NHSL1: variants seen among roughly 807,000 people sequenced by gnomAD.
NHSL1 encodes the protein NHS-like protein 1.
Under a neutral mutation model 95.0 loss-of-function variants are expected in NHSL1, and 48 were observed. The observed-to-expected ratio is 0.51, with a 90% confidence interval of 0.40 to 0.64. The LOEUF (loss-of-function observed/expected upper bound fraction) is 0.64. Ranked by LOEUF, NHSL1 falls within the 30% of genes least tolerant of loss-of-function variation. NHSL1 has a pLI of 0.00. For missense variants in NHSL1, 1,971 were observed against 2,077.7 expected, an observed-to-expected ratio of 0.95 and a Z score of 1.00; for synonymous variants, 783 against 833.9, an observed-to-expected ratio of 0.94 and a Z score of 1.05.
At chr6:138,577,550 G>GAACC (rs1783990354) in intron 1 of NHSL1, among the ~76,000 whole-genome samples, 1 of 152,198 alleles carries the variant, frequency 6.6e-6, no homozygotes, top group Non-Finnish European at 1.5e-5. Flanking sequence ...GGTGCAAAGA[G>GAACC]AACCACATAG....
chr6:138,588,225 A>AGTGCTGAG (rs1784170332), intron 1 of NHSL1, among the ~76,000 whole-genome samples: 1 of 152,216 alleles, frequency 6.6e-6, no homozygotes, highest in African/African-American at 2.4e-5. Context: ...CACTTTGGGA[A>AGTGCTGAG]GCCCAGGCGG....
chr6:138,673,031 G>GC (rs1562409221), intron 1 of NHSL1, among the ~76,000 whole-genome samples: 2 of 148,058 alleles, frequency 1.4e-5, no homozygotes, highest in African/African-American at 5.2e-5. Context: ...AGATAGATAG[G>GC]TAGATAGATA....
intron 1 of NHSL1, among the ~76,000 whole-genome samples, chr6:138,688,798 G>A (rs1178268517): frequency 1.3e-5 from 2 of 152,178 alleles, no homozygotes; most frequent in Non-Finnish European, 2.9e-5. Flanking sequence ...AGAACTTACT[G>A]TGTCAGCAAA....
Position 138,424,793 on chromosome 6 carries a change from C to A in NHSL1, c.4109G>T (p.Arg1370Leu). ...GGAGTGGTCATCATCTGAATCTCTA[C>A]GGCCGAGGACTTTCCTTTTGGATCT... ...IHRSKRKVLGRRDSDDDHSRN... is the reference protein window; with the variant it reads ...IHRSKRKVLGLRDSDDDHSRN... The change falls in exon 8 of 8, where the codon CGT becomes CTT. Residue 1370 changes from arginine (R) to leucine (L), a missense_variant. By Grantham distance (102) the Arg-to-Leu change is moderately radical (BLOSUM62 -2). Coordinates refer to ENST00000343505, the MANE Select transcript of NHSL1 (RefSeq NM_001144060.2). This position sits in a 1 kb window ranked among gnomAD's most constrained non-coding sequence, Gnocchi z 5.9. 1.3e-6 allele frequency: 2 copies of A among 1,550,050 alleles called. No homozygotes were observed. The highest frequency in any genetic ancestry group is 1.7e-6 in the Non-Finnish European group (2 of 1,145,900).
chr6:138,580,967 T>A (rs1297492286), intron 1 of NHSL1, among the ~76,000 whole-genome samples: 1 of 152,208 alleles, frequency 6.6e-6, no homozygotes, highest in Non-Finnish European at 1.5e-5. Context: ...AAAGGCAATG[T>A]GACCACAGAG....
intron 1 of NHSL1, among the ~76,000 whole-genome samples, chr6:138,659,611 A>G (rs1785200164): frequency 6.6e-6 from 1 of 152,214 alleles, no homozygotes; most frequent in African/African-American, 2.4e-5. Flanking sequence ...ACCCAGTGGT[A>G]AAAATACTTC....
At chr6:138,553,449 A>G (rs1381651121) in intron 1 of NHSL1, among the ~76,000 whole-genome samples, 2 of 152,180 alleles carry the variant, frequency 1.3e-5, no homozygotes, top group African/African-American at 4.8e-5. Flanking sequence ...TGCCCACCCA[A>G]CGTGAGTGAT....
rs566736972 is a variant in NHSL1 at position 138,615,327 on chromosome 6, C to T, written c.96+77149G>A. Among the ~76,000 whole-genome samples, 18 of 152,322 alleles carry T rather than the reference C, an allele frequency of 1.2e-4. 1 individual carries two copies. The highest frequency in any genetic ancestry group is 4.1e-4 in the African/African-American group (17 of 41,570). ...CCTTGTTGTCAACATTGCTATTTTG[C>T]TGGTGGAAATTATGATTCTATTCAT... On this transcript the variant is annotated intron_variant, in intron 1 of 3. Transcript: ENST00000491526.
intron 3 of NHSL1, among the ~76,000 whole-genome samples, chr6:138,448,134 C>A (rs1027999296): frequency 2.6e-5 from 4 of 152,160 alleles, no homozygotes; most frequent in African/African-American, 9.7e-5. Flanking sequence ...CTGAAGAGCC[C>A]TTCTTCAATA....
chr6:138,622,841 G>A (rs1784683518), intron 1 of NHSL1, among the ~76,000 whole-genome samples: 1 of 152,176 alleles, frequency 6.6e-6, no homozygotes. Flanking sequence ...CTCCCAAGGG[G>A]TTCACATTTT....
At chr6:138,460,445 G>A (rs1777918833) in intron 3 of NHSL1, among the ~76,000 whole-genome samples, 1 of 152,036 alleles carries the variant, frequency 6.6e-6, no homozygotes. Context: ...ATAAAAGAAT[G>A]GCTGTGTTTG....
At chr6:138,595,143 T>C (rs1583439950) in intron 1 of NHSL1, among the ~76,000 whole-genome samples, 1 of 152,238 alleles carries the variant, frequency 6.6e-6, no homozygotes, top group African/African-American at 2.4e-5. Flanking sequence ...GTCAATCACC[T>C]ACAGAAGATA....
At chr6:138,525,712 G>A (rs919500043) in intron 1 of NHSL1, among the ~76,000 whole-genome samples, 2 of 152,166 alleles carry the variant, frequency 1.3e-5, no homozygotes, top group African/African-American at 4.8e-5. Context: ...TACAATGAGG[G>A]TACATAGGGG....
intron 2 of NHSL1, among the ~76,000 whole-genome samples, chr6:138,483,450 A>G (rs1779543610): frequency 6.6e-6 from 1 of 152,254 alleles, no homozygotes. Context: ...ATTTTGTTTC[A>G]GGAAAAGCTT....
At chr6:138,592,084 T>C (rs1784238052) in intron 1 of NHSL1, among the ~76,000 whole-genome samples, 1 of 152,186 alleles carries the variant, frequency 6.6e-6, no homozygotes, top group South Asian at 2.1e-4. Context: ...CTCATAGCTA[T>C]AATCAAACTA....
chr6:138,682,107 G>A (rs1297763328), intron 1 of NHSL1, among the ~76,000 whole-genome samples: 3 of 151,526 alleles, frequency 2.0e-5, no homozygotes, highest in Non-Finnish European at 4.4e-5. Context: ...TCAACCTCCC[G>A]AGATTACAGG....
chr6:138,612,407 T>C (rs541070833), intron 1 of NHSL1, among the ~76,000 whole-genome samples: 2 of 152,266 alleles, frequency 1.3e-5, no homozygotes, highest in South Asian at 2.1e-4. Flanking sequence ...CCATGGTATA[T>C]GCAGCAATGA....
intron 2 of NHSL1, among the ~76,000 whole-genome samples, chr6:138,493,648 T>C (rs1306663914): frequency 6.6e-6 from 1 of 152,262 alleles, no homozygotes; most frequent in Non-Finnish European, 1.5e-5. Context: ...GAAATGCTAA[T>C]GAGGCACTGC....
At chr6:138,575,516 G>A (rs72975254), upstream of NHSL1, among the ~76,000 whole-genome samples, 12,993 of 152,162 alleles carry the variant, frequency 0.085, 537 homozygotes, top group Middle Eastern at 0.14. Flanking sequence ...CTAGGGATAC[G>A]TTTGTATAAT....
Sources: gnomAD v4.1 joint callset for allele counts (sites outside exome capture counted in the v4.1 genomes callset) on GRCh38, gnomAD v4.1.1 for gene constraint, Gnocchi (gnomAD v3.1) non-coding constraint, MANE v1.5 for transcripts, NCBI Gene and HGNC (gene_info 2026-07-23, HGNC 2026-07-21) for gene names.